MNAT1: variants seen among roughly 807,000 people sequenced by gnomAD.
MNAT1 encodes MNAT1 component of CDK activating kinase.
Under a neutral mutation model 42.0 loss-of-function variants are expected in MNAT1, and 43 were observed. The observed-to-expected ratio is 1.02, with a 90% CI of 0.80 to 1.32. MNAT1 has a LOEUF of 1.32. Ranked by LOEUF, MNAT1 falls within the 40% of genes most tolerant of loss-of-function variation. The probability of loss-of-function intolerance (pLI) is 0.00; values close to 1 mark genes in which losing one functional copy is unlikely to be tolerated. For missense variants in MNAT1, 306 were observed against 350.4 expected, an observed-to-expected ratio of 0.87 and a Z score of 1.01; for synonymous variants, 118 against 120.0, an observed-to-expected ratio of 0.98 and a Z score of 0.11.
chr14:60,833,934 T>C (rs954627996), intron 6 of MNAT1, among the ~76,000 whole-genome samples: 2 of 152,218 alleles, frequency 1.3e-5, no homozygotes, highest in African/African-American at 4.8e-5. Context: ...ATTTATCCAT[T>C]TCTTGTAGAC....
chr14:60,959,042 C>T (rs1247885850), intron 7 of MNAT1, among the ~76,000 whole-genome samples: 2 of 152,196 alleles, frequency 1.3e-5, no homozygotes, highest in Non-Finnish European at 2.9e-5. Flanking sequence ...CCTCAGTCTC[C>T]CAAGTAGTTA....
At chr14:60,774,928 T>G (rs953270750) in intron 1 of MNAT1, among the ~76,000 whole-genome samples, 2 of 152,196 alleles carry the variant, frequency 1.3e-5, no homozygotes, top group African/African-American at 4.8e-5. Context: ...TCAAAACTTG[T>G]CATGTTTTGT....
intron 7 of MNAT1, among the ~76,000 whole-genome samples, chr14:60,963,010 C>A (rs1464235640): frequency 6.6e-6 from 1 of 151,484 alleles, no homozygotes; most frequent in East Asian, 1.9e-4. Context: ...AAGATGGAGT[C>A]TCGCTCTGTC....
chr14:60,961,003 C>T (rs1016969950), intron 7 of MNAT1, among the ~76,000 whole-genome samples: 2 of 151,760 alleles, frequency 1.3e-5, no homozygotes, highest in East Asian at 3.9e-4. Flanking sequence ...GCTCTTGTTG[C>T]CCAGGCTGGA....
At chr14:60,929,148 CAAAAAA>C (rs550828218) in intron 7 of MNAT1, among the ~76,000 whole-genome samples, 1,090 of 56,072 alleles carry the variant, frequency 0.019, 12 homozygotes, top group South Asian at 0.046. Flanking sequence ...CTCCATCTCC[CAAAAAA>C]AAAAAAAAAA....
chr14:60,739,304 A>C (rs1185957460), intron 1 of MNAT1, among the ~76,000 whole-genome samples: 2 of 152,122 alleles, frequency 1.3e-5, no homozygotes, highest in African/African-American at 4.8e-5. Context: ...AATGTGGGAG[A>C]GTACACACAA....
chr14:60,840,780 C>T (rs1182926041), intron 6 of MNAT1, among the ~76,000 whole-genome samples: 1 of 152,158 alleles, frequency 6.6e-6, no homozygotes, highest in Non-Finnish European at 1.5e-5. Context: ...TCTCCTGCCT[C>T]AGCCTCACGA....
chr14:60,768,098 G>A (rs1042279057), intron 1 of MNAT1, among the ~76,000 whole-genome samples: 1 of 151,470 alleles, frequency 6.6e-6, no homozygotes, highest in African/African-American at 2.4e-5. Context: ...TCAGTGTTTC[G>A]CCACATTGGC....
intron 6 of MNAT1, among the ~76,000 whole-genome samples, chr14:60,839,296 C>T (rs905839027): frequency 6.6e-6 from 1 of 152,122 alleles, no homozygotes; most frequent in Non-Finnish European, 1.5e-5. Context: ...CCCAGCCAGA[C>T]TCACACAGAC....
At chr14:60,844,678 C>T (rs1023122210) in intron 6 of MNAT1, among the ~76,000 whole-genome samples, 1 of 151,386 alleles carries the variant, frequency 6.6e-6, no homozygotes, top group African/African-American at 2.4e-5. Context: ...ATTTCTGTTA[C>T]TTGCCCTATT....
intron 7 of MNAT1, among the ~76,000 whole-genome samples, chr14:60,885,140 T>C (rs2034636767): frequency 6.6e-6 from 1 of 151,886 alleles, no homozygotes; most frequent in African/African-American, 2.4e-5. Flanking sequence ...AGTTTGAGTG[T>C]TAAATGCTTT....
At chr14:60,942,539 A>G (rs1002647273) in intron 7 of MNAT1, among the ~76,000 whole-genome samples, 1 of 150,452 alleles carries the variant, frequency 6.6e-6, no homozygotes, top group African/African-American at 2.4e-5. Flanking sequence ...TGTTTTTTCC[A>G]CTATCAGTGC....
chr14:60,734,785 T>C lies in MNAT1; in HGVS notation c.-78T>C. On this transcript the variant is annotated 5_prime_UTR_variant, in exon 1 of 8. Coordinates refer to ENST00000261245, the MANE Select transcript of MNAT1 (RefSeq NM_002431.4). This position sits in a 1 kb window ranked among gnomAD's most constrained non-coding sequence, Gnocchi z 4.3. The stretch of plus-strand genomic sequence containing the variant: ...CAAGCGCCTGTTGGTAGGAACCTGC[T>C]TGGTCGCGTCTGAGGGGGCTTGTAG... 7.3e-7 allele frequency: 1 copy of C among 1,368,334 alleles called. No homozygotes were observed. Among genetic ancestry groups the C allele is most frequent in the East Asian group, 2.3e-5 (1 of 43,558 alleles). 84.8% of individuals were successfully genotyped at this position (1,368,334 alleles called of 1,614,324 possible).
intron 7 of MNAT1, among the ~76,000 whole-genome samples, chr14:60,928,165 G>T (rs769389238): frequency 2.0e-5 from 3 of 152,030 alleles, no homozygotes; most frequent in Admixed American, 6.6e-5. Flanking sequence ...TGTTTCTGAG[G>T]TTCATATTGT....
intron 1 of MNAT1, among the ~76,000 whole-genome samples, chr14:60,771,858 AT>A (rs1254914225): frequency 6.6e-6 from 1 of 152,192 alleles, no homozygotes; most frequent in Non-Finnish European, 1.5e-5. Context: ...CCTAATGAAT[AT>A]TTATTGAATT....
At chr14:60,751,521 A>G (rs1951108) in intron 1 of MNAT1, among the ~76,000 whole-genome samples, 131,447 of 151,966 alleles carry the variant, frequency 0.86, 58,596 homozygotes, top group Non-Finnish European at 0.98. Context: ...TTGAGGTATA[A>G]TCAGATGTCA....
At chr14:60,748,416 G>A (rs2029925336) in intron 1 of MNAT1, among the ~76,000 whole-genome samples, 2 of 152,024 alleles carry the variant, frequency 1.3e-5, no homozygotes, top group Admixed American at 6.5e-5. Flanking sequence ...TTTTTAGTAG[G>A]GATGAGGTAT....
intron 6 of MNAT1, among the ~76,000 whole-genome samples, chr14:60,841,088 T>A (rs2033537137): frequency 6.6e-6 from 1 of 152,152 alleles, no homozygotes; most frequent in Admixed American, 6.5e-5. Flanking sequence ...GTCAAGTTAC[T>A]TGATGTTAAA....
At chr14:60,806,991 T>C (rs2032391315) in intron 3 of MNAT1, among the ~76,000 whole-genome samples, 1 of 152,222 alleles carries the variant, frequency 6.6e-6, no homozygotes, top group African/African-American at 2.4e-5. Flanking sequence ...CCAGATTCCC[T>C]GACTTATTTT....
Sources: gnomAD v4.1 joint callset for allele counts (sites outside exome capture counted in the v4.1 genomes callset) on GRCh38, gnomAD v4.1.1 for gene constraint, Gnocchi (gnomAD v3.1) non-coding constraint, MANE v1.5 for transcripts, NCBI Gene and HGNC (gene_info 2026-07-23, HGNC 2026-07-21) for gene names.